PTPRD: variants seen among roughly 807,000 people sequenced by gnomAD.
PTPRD encodes the protein protein tyrosine phosphatase receptor type D.
PTPRD carries 34 observed loss-of-function variants against 214.5 expected under a neutral mutation model. The ratio of observed to expected loss-of-function variants is 0.16; its 90% CI spans 0.12 to 0.21. The LOEUF is 0.21. PTPRD is among the 10% of genes least tolerant of loss of function. The probability of loss-of-function intolerance (pLI) is 1.00; values close to 1 mark genes in which losing one functional copy is unlikely to be tolerated. For synonymous variants in PTPRD, 1,128 were observed against 845.7 expected (o/e 1.33, Z -5.79); for missense variants, 2,545 against 2,398.7 (o/e 1.06, Z -1.27).
chr9:8,460,093 GAATT>G (rs1477379064), intron 33 of PTPRD, among the ~76,000 whole-genome samples: 1 of 152,074 alleles, frequency 6.6e-6, no homozygotes, highest in African/African-American at 2.4e-5. Context: ...AGCTTGCATG[GAATT>G]ATTTGCTTGT....
intron 4 of PTPRD, among the ~76,000 whole-genome samples, chr9:9,986,844 TA>T (rs1251466572): frequency 6.6e-6 from 1 of 152,118 alleles, no homozygotes; most frequent in African/African-American, 2.4e-5. Context: ...ACAATGGGCA[TA>T]TAGTTAACTG....
chr9:8,694,987 C>T (rs1011679235), intron 12 of PTPRD, among the ~76,000 whole-genome samples: 11 of 152,100 alleles, frequency 7.2e-5, no homozygotes, highest in Admixed American at 2.0e-4. Flanking sequence ...AAAATAAGGA[C>T]ATCATTCTGT....
chr9:10,343,829 GT>G (rs2096996055), intron 2 of PTPRD, among the ~76,000 whole-genome samples: 1 of 151,566 alleles, frequency 6.6e-6, no homozygotes, highest in African/African-American at 2.4e-5. Flanking sequence ...GGGGTTGTTT[GT>G]TTTTTTCTTG....
At chr9:8,727,283 G>C (rs1002666641) in intron 12 of PTPRD, among the ~76,000 whole-genome samples, 4 of 152,196 alleles carry the variant, frequency 2.6e-5, no homozygotes, top group African/African-American at 9.6e-5. Flanking sequence ...TGTTGATTTT[G>C]TGACAGAGTC....
At chr9:9,981,249 G>A (rs774122629) in intron 4 of PTPRD, among the ~76,000 whole-genome samples, 32 of 152,040 alleles carry the variant, frequency 2.1e-4, no homozygotes, top group Admixed American at 5.2e-4. Context: ...ACAGTCAGAT[G>A]GATGAGTTTC....
intron 11 of PTPRD, among the ~76,000 whole-genome samples, chr9:8,954,466 C>T (rs150185299): frequency 1.3e-4 from 20 of 151,716 alleles, no homozygotes; most frequent in Non-Finnish European, 1.9e-4. Flanking sequence ...TTGTAACAAA[C>T]CTGTGCATAT....
At chr9:8,529,958 C>T (rs1318697889) in intron 14 of PTPRD, among the ~76,000 whole-genome samples, 1 of 152,088 alleles carries the variant, frequency 6.6e-6, no homozygotes, top group East Asian at 1.9e-4. Context: ...AATACCCCCT[C>T]ACGGCCACTG....
chr9:9,874,183 G>C (rs1423241410), intron 5 of PTPRD, among the ~76,000 whole-genome samples: 1 of 152,136 alleles, frequency 6.6e-6, no homozygotes, highest in Non-Finnish European at 1.5e-5. Flanking sequence ...GCCTGTCAAG[G>C]GGACATGCCA....
At chr9:8,674,830 T>C (rs1170911115) in intron 12 of PTPRD, among the ~76,000 whole-genome samples, 1 of 152,086 alleles carries the variant, frequency 6.6e-6, no homozygotes, top group Non-Finnish European at 1.5e-5. Flanking sequence ...CCAAATTGGG[T>C]TGTTTTTTGT....
chr9:9,336,157 G>A (rs769442233), intron 9 of PTPRD, among the ~76,000 whole-genome samples: 2 of 149,382 alleles, frequency 1.3e-5, no homozygotes, highest in Non-Finnish European at 2.9e-5. Context: ...CGCCTCATAA[G>A]AGAAACAAAG....
At chr9:8,973,202 C>A (rs1326279360) in intron 11 of PTPRD, among the ~76,000 whole-genome samples, 1 of 151,688 alleles carries the variant, frequency 6.6e-6, no homozygotes, top group South Asian at 2.1e-4. Context: ...GTTTTTCAAC[C>A]CACTCCCTCC....
chr9:9,771,750 T>C (rs1376978466), intron 5 of PTPRD, among the ~76,000 whole-genome samples: 4 of 152,186 alleles, frequency 2.6e-5, no homozygotes, highest in South Asian at 2.1e-4. Context: ...AGATGCTCTA[T>C]ACAGTGTGTA....
intron 11 of PTPRD, among the ~76,000 whole-genome samples, chr9:8,788,538 G>T (rs1334562265): frequency 6.6e-6 from 1 of 151,996 alleles, no homozygotes; most frequent in African/African-American, 2.4e-5. Context: ...GCCTCCCAAA[G>T]TGCTGGGATT....
chr9:8,607,644 G>GA (rs1477929478), intron 14 of PTPRD, among the ~76,000 whole-genome samples: 4 of 151,688 alleles, frequency 2.6e-5, no homozygotes, highest in African/African-American at 4.8e-5. Flanking sequence ...TTCTGTCTCG[G>GA]AAAAAAAATT....
chr9:10,356,049 C>T (rs1241924826), intron 2 of PTPRD, among the ~76,000 whole-genome samples: 1 of 151,400 alleles, frequency 6.6e-6, no homozygotes, highest in Non-Finnish European at 1.5e-5. Flanking sequence ...ATTTTTAGTT[C>T]ATTTGATTTC....
chr9:9,919,058 A>AATG (rs1479594530), intron 5 of PTPRD, among the ~76,000 whole-genome samples: 2 of 152,160 alleles, frequency 1.3e-5, no homozygotes, highest in African/African-American at 4.8e-5. Flanking sequence ...TTTATTTGCT[A>AATG]ATGTTAAACA....
chr9:9,918,176 A>G (rs930347555), intron 5 of PTPRD, among the ~76,000 whole-genome samples: 1 of 152,034 alleles, frequency 6.6e-6, no homozygotes, highest in South Asian at 2.1e-4. Context: ...CAAAAATCTC[A>G]GACTTGATAA....
At chr9:9,835,686 A>T (rs958092470) in intron 5 of PTPRD, among the ~76,000 whole-genome samples, 2 of 152,114 alleles carry the variant, frequency 1.3e-5, no homozygotes, top group Non-Finnish European at 2.9e-5. Context: ...CATTGTGACC[A>T]TACCAAAGTA....
chr9:9,287,250 G>A (rs1949784084), intron 9 of PTPRD, among the ~76,000 whole-genome samples: 1 of 151,578 alleles, frequency 6.6e-6, no homozygotes, highest in Non-Finnish European at 1.5e-5. Flanking sequence ...AAGGTATTTA[G>A]TATAGGAATG....
Sources: allele counts gnomAD v4.1 joint callset (sites outside exome capture counted in the v4.1 genomes callset), GRCh38; gene constraint gnomAD v4.1.1; transcripts MANE v1.5; gene names NCBI Gene and HGNC (gene_info 2026-07-23, HGNC 2026-07-21).